The following SLC39A12 variants were observed in gnomAD, a reference collection of about 807,000 sequenced individuals.
SLC39A12 encodes zinc transporter ZIP12.
SLC39A12 carries 63 observed loss-of-function variants against 71.1 expected under a neutral mutation model. The observed-to-expected ratio is 0.89, with a 90% CI of 0.72 to 1.09. The LOEUF is 1.09. Among genes scored for constraint, SLC39A12 ranks in the 50% least tolerant of loss-of-function variants. The pLI is 0.00. For missense variants in SLC39A12, 892 were observed against 812.6 expected (o/e 1.10, Z -1.19); for synonymous variants, 351 against 301.3 (o/e 1.16, Z -1.71).
intron 6 of SLC39A12, among the ~76,000 whole-genome samples, chr10:17,985,480 C>G (rs1474104724): frequency 2.7e-5 from 4 of 150,840 alleles, no homozygotes; most frequent in African/African-American, 7.3e-5. Flanking sequence ...TTGCAATGAG[C>G]TTTAGGTATT....
At chr10:17,994,867 T>C (rs551703460) in intron 9 of SLC39A12, among the ~76,000 whole-genome samples, 1 of 152,328 alleles carries the variant, frequency 6.6e-6, no homozygotes, top group African/African-American at 2.4e-5. Flanking sequence ...TGTACAACTT[T>C]GGGAGATAGA....
intron 12 of SLC39A12, among the ~76,000 whole-genome samples, chr10:18,010,781 A>T (rs561817440): frequency 8.5e-5 from 13 of 152,274 alleles, no homozygotes; most frequent in African/African-American, 2.4e-4. Context: ...TTAAAAATGC[A>T]GTTGGCCCTA....
chr10:18,013,770 T>C (rs1304815503), intron 12 of SLC39A12, among the ~76,000 whole-genome samples: 5 of 152,212 alleles, frequency 3.3e-5, no homozygotes, highest in African/African-American at 9.6e-5. Context: ...TGAAAATCAA[T>C]TGATCACGTG....
intron 11 of SLC39A12, chr10:18,002,712 A>G (rs1243775148): frequency 1.3e-5 from 2 of 152,510 alleles, no homozygotes; most frequent in African/African-American, 4.8e-5. Flanking sequence ...AACTTTTACA[A>G]TGCTTTAAAA....
At chr10:17,956,752 C>G (rs1476922523) in intron 2 of SLC39A12, among the ~76,000 whole-genome samples, 1 of 152,226 alleles carries the variant, frequency 6.6e-6, no homozygotes, top group Non-Finnish European at 1.5e-5. Flanking sequence ...CCATTTAATT[C>G]ACACCTGGCC....
At chr10:17,989,224 C>A (rs968356313) in intron 7 of SLC39A12, among the ~76,000 whole-genome samples, 10 of 152,224 alleles carry the variant, frequency 6.6e-5, no homozygotes, top group Non-Finnish European at 1.5e-4. Flanking sequence ...TAAAATTTTC[C>A]ACAAGCCTCT....
chr10:17,960,113 C>G (rs1201479283), intron 2 of SLC39A12, among the ~76,000 whole-genome samples: 1 of 152,070 alleles, frequency 6.6e-6, no homozygotes, highest in Admixed American at 6.5e-5. Flanking sequence ...TGAATTTGGA[C>G]TAGAGATGGT....
At position 17,968,290 on chromosome 10, in the gene SLC39A12, A is replaced by G. The variant is rs140039034; in HGVS notation, c.751+2600A>G. Among the ~76,000 whole-genome samples, 425 of 152,242 alleles carry G rather than the reference A, an allele frequency of 2.8e-3. 1 individual carries two copies. Among genetic ancestry groups the G allele is most frequent in the Non-Finnish European group, 4.4e-3 (296 of 68,008 alleles). On this transcript the variant is annotated intron_variant, in intron 4 of 12. Coordinates refer to ENST00000377369, the MANE Select transcript of SLC39A12 (RefSeq NM_001145195.2). ...ATAACGTTAAATAATAGTGGGGATGATCTGCATCCTTATTATGTTTCTGAC... is the reference window on the plus strand; with the variant it reads ...ATAACGTTAAATAATAGTGGGGATGGTCTGCATCCTTATTATGTTTCTGAC...
chr10:18,023,980 C>T (rs1836606505), intron 12 of SLC39A12, among the ~76,000 whole-genome samples: 1 of 152,178 alleles, frequency 6.6e-6, no homozygotes, highest in South Asian at 2.1e-4. Flanking sequence ...AGACCCTTTG[C>T]TCTAACTGCA....
chr10:18,006,997 T>C (rs1836041770), intron 12 of SLC39A12: 1 of 152,376 alleles, frequency 6.6e-6, no homozygotes, highest in Non-Finnish European at 1.5e-5. Flanking sequence ...CATTAACGGT[T>C]GGCCCCTTCC....
rs565967624 is a variant in SLC39A12, at chr10:17,995,346, A to T, written c.1534-310A>T. On this transcript the variant is annotated intron_variant, in intron 9 of 12. Coordinates refer to ENST00000377369, the MANE Select transcript of SLC39A12 (RefSeq NM_001145195.2). ...AATAATTTTTTTCGATAGCTTTTGAATTTCATAAAGGCTTACATAATTTAC... is the reference window on the plus strand; with the variant it reads ...AATAATTTTTTTCGATAGCTTTTGATTTTCATAAAGGCTTACATAATTTAC... Among the ~76,000 whole-genome samples the T allele has an allele frequency of 5.1e-4, 77 of 152,298 alleles. 1 individual carries two copies. Among genetic ancestry groups the T allele is most frequent in the Non-Finnish European group, 9.0e-4 (61 of 68,006 alleles).
chr10:18,033,931 G>T (rs1221186082), intron 12 of SLC39A12, among the ~76,000 whole-genome samples: 1 of 151,142 alleles, frequency 6.6e-6, no homozygotes, highest in Non-Finnish European at 1.5e-5. Context: ...TCAGGAGCAG[G>T]TTGTTCAGTT....
At chr10:17,967,898 A>ATAT (rs1188012149) in intron 4 of SLC39A12, among the ~76,000 whole-genome samples, 38 of 119,740 alleles carry the variant, frequency 3.2e-4, no homozygotes, top group Non-Finnish European at 5.2e-4. Flanking sequence ...AAAAAAAAAA[A>ATAT]ATATATATAT....
In SLC39A12 at chr10:17,965,529, G is replaced by A. The variant is rs1336044673; in HGVS notation, c.590G>A (p.Ser197Asn). The change falls in exon 4 of 13, where the codon AGT becomes AAT. Residue 197 changes from serine (S) to asparagine (N), a missense_variant. Coordinates refer to ENST00000377369, the MANE Select transcript of SLC39A12 (RefSeq NM_001145195.2). ...TLQKKSGIVS[S>N]EGANESTLPQ... ...CAGAAAAAATCTGGAATAGTGAGCA[G>A]TGAAGGTGCTAATGAAAGTACGCTT... 1.9e-6 allele frequency: 3 copies of A among 1,614,198 alleles called. No homozygotes were observed. The highest frequency in any genetic ancestry group is 2.2e-5 in the South Asian group (2 of 91,084).
At chr10:18,013,685 T>A (rs1356449474) in intron 12 of SLC39A12, among the ~76,000 whole-genome samples, 1 of 152,174 alleles carries the variant, frequency 6.6e-6, no homozygotes, top group Non-Finnish European at 1.5e-5. Flanking sequence ...CTTTTGAATG[T>A]GTATATCCAG....
intron 12 of SLC39A12, among the ~76,000 whole-genome samples, chr10:18,030,802 C>G (rs1346388849): frequency 8.6e-6 from 1 of 116,136 alleles, no homozygotes; most frequent in Non-Finnish European, 1.7e-5. Context: ...CCCCCCTCCC[C>G]CCACCCCACC....
At chr10:17,960,568 C>G (rs1347562406) in intron 2 of SLC39A12, among the ~76,000 whole-genome samples, 1 of 152,128 alleles carries the variant, frequency 6.6e-6, no homozygotes, top group African/African-American at 2.4e-5. Flanking sequence ...GATAGAACTA[C>G]GCAAAAAGCA....
At chr10:17,972,510 G>A (rs1589225257) in intron 4 of SLC39A12, among the ~76,000 whole-genome samples, 1 of 152,080 alleles carries the variant, frequency 6.6e-6, no homozygotes, top group Non-Finnish European at 1.5e-5. Context: ...ATGTATCTGG[G>A]TGCTCCAGTG....
chr10:17,969,656 G>C (rs906094563), intron 4 of SLC39A12, among the ~76,000 whole-genome samples: 2 of 152,052 alleles, frequency 1.3e-5, no homozygotes, highest in African/African-American at 2.4e-5. Flanking sequence ...TTTTCCTCTA[G>C]AGTTGTTTGA....
Sources: allele counts gnomAD v4.1 joint callset (sites outside exome capture counted in the v4.1 genomes callset), GRCh38; gene constraint gnomAD v4.1.1; transcripts MANE v1.5; gene names NCBI Gene and HGNC (gene_info 2026-07-23, HGNC 2026-07-21).